TOP2B: variants seen among roughly 807,000 people sequenced by gnomAD.
The protein encoded by TOP2B is DNA topoisomerase 2-beta.
Under a neutral mutation model 193.5 loss-of-function variants are expected in TOP2B, and 51 were observed. That is an observed-to-expected ratio of 0.26 (90% CI 0.21 to 0.33). The LOEUF (loss-of-function observed/expected upper bound fraction) is 0.33. Among genes scored for constraint, TOP2B ranks in the 10% least tolerant of loss-of-function variants. The probability of loss-of-function intolerance (pLI) is 1.00; values close to 1 mark genes in which losing one functional copy is unlikely to be tolerated. For missense variants in TOP2B, 1,378 were observed against 1,909.3 expected (o/e 0.72, Z 5.19); for synonymous variants, 634 against 635.7 (o/e 1.00, Z 0.04).
chr3:25,638,427 A>G, intron 4 of TOP2B, 117 bp from the exon 5 acceptor site: 2 of 1,208,710 alleles, frequency 1.7e-6, no homozygotes, highest in African/African-American at 1.6e-5. Flanking sequence ...CTTAATGGTT[A>G]TAAGATACTA....
Position 25,624,403 on chromosome 3 carries a change from C to A in TOP2B, c.2389G>T (p.Val797Leu). ...AGCAAGTTAATGTTGTTACTTCCCA[C>A]AAAGTTCTGAGCCAAATTCACAATA... is the stretch of plus-strand genomic sequence containing the variant. The part of the protein sequence containing the change: ...MTIVNLAQNF[V>L]GSNNINLLQP... The change falls in exon 20 of 36, where the codon GTG becomes TTG. Residue 797 changes from valine (V) to leucine (L), a missense_variant. Val to Leu is a conservative substitution (Grantham distance 32). This residue lies in a region of TOP2B where 379 missense variants were observed against 615.1 expected (regional missense o/e 0.62). Transcript: ENST00000264331. 6.2e-7 allele frequency: 1 copy of A among 1,613,890 alleles called. No homozygotes were observed.
chr3:25,634,111 T>TA (rs1703036035), intron 7 of TOP2B, 97 bp from the exon 8 acceptor site: 2 of 918,502 alleles, frequency 2.2e-6, no homozygotes, highest in South Asian at 3.5e-5. Context: ...TCCTCTCACT[T>TA]ACAACAGTTC....
rs1358455310 is a variant in TOP2B, at chr3:25,632,460, T to G, written c.1252A>C (p.Lys418Gln). 1 of 1,567,048 alleles carries G rather than the reference T, an allele frequency of 6.4e-7. No homozygotes were observed. The highest frequency in any genetic ancestry group is 8.6e-7 in the Non-Finnish European group (1 of 1,157,124). The part of the protein sequence containing the change: ...SFGSKCQLSE[K>Q]FFKAASNCGI... ...GTTTTACTCACTGCTTTAAAAAATT[T>G]TTCTGACAGCTGGCATTTAGACCCA... The change falls in exon 10 of 36, where the codon AAA becomes CAA. Residue 418 changes from lysine to glutamine, a missense_variant. By Grantham distance (53) the Lys-to-Gln change is moderately conservative. Transcript: ENST00000264331.
At chr3:25,645,160 T>C (rs2125396775) in intron 2 of TOP2B, 140 bp downstream of exon 2, 1 of 808,432 alleles carries the variant, frequency 1.2e-6, no homozygotes, top group Non-Finnish European at 1.9e-6. Context: ...TTTCTACTTC[T>C]AGATCTTTCA....
Position 25,643,747 on chromosome 3 carries a change from C to T in TOP2B, c.278G>A (p.Cys93Tyr), listed in dbSNP as rs763948503. 2 of 1,613,388 alleles carry T rather than the reference C, an allele frequency of 1.2e-6. No homozygotes were observed. The highest frequency in any genetic ancestry group is 1.7e-6 in the Non-Finnish European group (2 of 1,179,600). ...WVYDEDVGMNCREVTFVPGLY... is the reference protein window; with the variant it reads ...WVYDEDVGMNYREVTFVPGLY... ...ACCTGGCACAAAGGTAACCTCCCTG[C>T]AATTCATTCCTACATCTTCATCATA... is the stretch of plus-strand genomic sequence containing the variant. Residue 93 changes from cysteine (C) to tyrosine (Y), a missense_variant, in exon 3 of 36, where the codon TGC becomes TAC. By Grantham distance (194) the Cys-to-Tyr change is radical (BLOSUM62 -2). Coordinates refer to ENST00000264331, the MANE Select transcript of TOP2B (RefSeq NM_001330700.2).
chr3:25,641,496 C>T (rs1559505294), intron 4 of TOP2B, among the ~76,000 whole-genome samples: 1 of 150,854 alleles, frequency 6.6e-6, no homozygotes, highest in Non-Finnish European at 1.5e-5. Context: ...CTCAAGAATG[C>T]ATTCATTATA....
intron 1 of TOP2B, among the ~76,000 whole-genome samples, chr3:25,661,159 C>A (rs113876363): frequency 6.6e-6 from 1 of 151,944 alleles, no homozygotes; most frequent in Non-Finnish European, 1.5e-5. Context: ...CGCCACCACC[C>A]CAGCTAATTT....
At chr3:25,641,769 A>G (rs994285038) in intron 4 of TOP2B, among the ~76,000 whole-genome samples, 1 of 152,186 alleles carries the variant, frequency 6.6e-6, no homozygotes, top group African/African-American at 2.4e-5. Flanking sequence ...GATGAATGTA[A>G]TATTTTACAA....
intron 27 of TOP2B, among the ~76,000 whole-genome samples, chr3:25,613,130 A>G (rs551064412): frequency 1.3e-5 from 2 of 152,146 alleles, no homozygotes; most frequent in African/African-American, 4.8e-5. Flanking sequence ...ATGAAAAAAA[A>G]CCTCCTAAAT....
At position 25,620,012 on chromosome 3, in the gene TOP2B, T is replaced by C; in HGVS notation, c.2913A>G (p.Thr971=). ...LEPMLNGTDK[T]PALISDYKEY... ...CTTTATAATCAGAAATTAATGCTGGTGTTTTATCTGTTCCATTTAGCATAG... is the reference window on the plus strand; with the variant it reads ...CTTTATAATCAGAAATTAATGCTGGCGTTTTATCTGTTCCATTTAGCATAG... Residue 971 remains threonine (T), a synonymous_variant, in exon 23 of 36, where the codon ACA becomes ACG. Coordinates refer to ENST00000264331, the MANE Select transcript of TOP2B (RefSeq NM_001330700.2). 1 of 1,584,504 alleles carries C rather than the reference T, an allele frequency of 6.3e-7. No individual in the cohort carries two copies. The highest frequency in any genetic ancestry group is 1.3e-5 in the African/African-American group (1 of 74,440).
chr3:25,664,355 C>G lies in TOP2B; in HGVS notation c.-58G>C. The G allele has an allele frequency of 7.1e-7, 1 of 1,400,324 alleles. No homozygotes were observed. The allele number at this position is 1,400,324 out of a possible 1,614,324, so 86.7% of individuals were successfully genotyped here. On this transcript the variant is annotated 5_prime_UTR_variant, in exon 1 of 36. Coordinates refer to ENST00000264331, the MANE Select transcript of TOP2B (RefSeq NM_001330700.2). ...CGCAGCCGCCGCTCCCGCCTCCCTG[C>G]GGGCCGCTGGGCCCCGCCGCTCCGC...
At chr3:25,621,711 G>A (rs568145993) in intron 21 of TOP2B, among the ~76,000 whole-genome samples, 15 of 152,028 alleles carry the variant, frequency 9.9e-5, no homozygotes, top group Middle Eastern at 6.8e-3. Flanking sequence ...TATATAGGCC[G>A]GGCACAGTGG....
intron 1 of TOP2B, among the ~76,000 whole-genome samples, chr3:25,653,861 T>C (rs934617551): frequency 2.6e-5 from 4 of 152,166 alleles, no homozygotes; most frequent in Non-Finnish European, 2.9e-5. Flanking sequence ...AAAAACACAT[T>C]ATCATCTCAA....
chr3:25,657,817 T>C (rs571933633), intron 1 of TOP2B, among the ~76,000 whole-genome samples: 1 of 152,244 alleles, frequency 6.6e-6, no homozygotes, highest in African/African-American at 2.4e-5. Context: ...ATCCCAGCAC[T>C]TTGGAAGGCT....
At chr3:25,627,126 G>A in intron 16 of TOP2B, 61 bp downstream of exon 16, 2 of 1,187,352 alleles carry the variant, frequency 1.7e-6, no homozygotes, top group Non-Finnish European at 2.4e-6. Context: ...AGGACTGGGA[G>A]GAAAGGAATA....
chr3:25,636,923 G>GTA (rs1559503512), intron 6 of TOP2B, among the ~76,000 whole-genome samples: 6 of 152,012 alleles, frequency 3.9e-5, no homozygotes. Flanking sequence ...CTAAGTGGTT[G>GTA]CATGTACATG....
intron 25 of TOP2B, among the ~76,000 whole-genome samples, chr3:25,617,414 A>AT (rs1702532316): frequency 1.3e-5 from 2 of 152,170 alleles, no homozygotes; most frequent in African/African-American, 4.8e-5. Context: ...TATTATCTTA[A>AT]TATGTAATTG....
At chr3:25,647,045 AAAT>A (rs1277888566) in intron 1 of TOP2B, among the ~76,000 whole-genome samples, 12 of 152,232 alleles carry the variant, frequency 7.9e-5, no homozygotes, top group African/African-American at 2.9e-4. Flanking sequence ...GGATAAAAGA[AAAT>A]AATTCTGTTT....
At chr3:25,608,623 A>C (rs1031478658) in intron 30 of TOP2B, among the ~76,000 whole-genome samples, 5 of 152,240 alleles carry the variant, frequency 3.3e-5, no homozygotes, top group African/African-American at 1.2e-4. Flanking sequence ...AAATTTCAGA[A>C]GAATGTACAA....
Sources: gnomAD v4.1 joint callset for allele counts (sites outside exome capture counted in the v4.1 genomes callset) on GRCh38, gnomAD v4.1.1 for gene constraint, gnomAD v4.1.1 regional missense constraint, MANE v1.5 for transcripts, NCBI Gene and HGNC (gene_info 2026-07-23, HGNC 2026-07-21) for gene names.